GRM7: variants seen among roughly 807,000 people sequenced by gnomAD.
GRM7 encodes the protein glutamate metabotropic receptor 7, also known as metabotropic glutamate receptor 7.
In GRM7, 35 loss-of-function variants were observed where a neutral mutation model predicts 84.5. The observed-to-expected ratio is 0.41, with a 90% CI of 0.32 to 0.55. The LOEUF is 0.55. Ranked by LOEUF, GRM7 falls within the 20% of genes least tolerant of loss-of-function variation. GRM7 has a pLI of 0.19. For missense variants in GRM7, 1,003 were observed against 1,194.6 expected (o/e 0.84, Z 2.36); for synonymous variants, 487 against 455.1 (o/e 1.07, Z -0.89).
chr3:7,566,870 G>A (rs570909839), intron 7 of GRM7, among the ~76,000 whole-genome samples: 49 of 152,250 alleles, frequency 3.2e-4, no homozygotes, highest in Middle Eastern at 3.4e-3. Context: ...GAAAGGTTTC[G>A]CAAAGACAGA....
intron 4 of GRM7, among the ~76,000 whole-genome samples, chr3:7,356,768 G>GC (rs1693423916): frequency 6.6e-6 from 1 of 151,982 alleles, no homozygotes; most frequent in Non-Finnish European, 1.5e-5. Flanking sequence ...CAGGCCTTTG[G>GC]CCTCACACTA....
At chr3:7,506,686 G>A (rs1448131429) in intron 7 of GRM7, among the ~76,000 whole-genome samples, 5 of 152,122 alleles carry the variant, frequency 3.3e-5, no homozygotes, top group African/African-American at 1.2e-4. Flanking sequence ...ACATGTCAGG[G>A]CATAAAGGCT....
At chr3:7,612,274 G>A (rs1332511453) in intron 8 of GRM7, among the ~76,000 whole-genome samples, 2 of 152,136 alleles carry the variant, frequency 1.3e-5, no homozygotes, top group African/African-American at 4.8e-5. Flanking sequence ...CTATAAGATA[G>A]GTGTGGCAAC....
intron 1 of GRM7, among the ~76,000 whole-genome samples, chr3:7,088,493 C>A (rs1382571326): frequency 6.7e-6 from 1 of 149,818 alleles, no homozygotes; most frequent in African/African-American, 2.5e-5. Flanking sequence ...TTTTTTTTTT[C>A]TTTTAAAATG....
intron 1 of GRM7, among the ~76,000 whole-genome samples, chr3:6,937,594 G>A (rs1032494387): frequency 1.3e-5 from 2 of 152,136 alleles, no homozygotes; most frequent in South Asian, 4.1e-4. Flanking sequence ...CTCTCCCACA[G>A]GGAAGGAACC....
At chr3:7,043,539 T>C (rs924230255) in intron 1 of GRM7, among the ~76,000 whole-genome samples, 14 of 152,262 alleles carry the variant, frequency 9.2e-5, no homozygotes, top group African/African-American at 3.4e-4. Flanking sequence ...CGGATATTTT[T>C]CCAGCTTTTA....
At chr3:6,933,215 C>T (rs922752860) in intron 1 of GRM7, among the ~76,000 whole-genome samples, 5 of 152,160 alleles carry the variant, frequency 3.3e-5, no homozygotes, top group African/African-American at 1.2e-4. Flanking sequence ...AAAGCTTTTA[C>T]AATTATATTA....
At chr3:7,358,307 A>G (rs1350225511) in intron 4 of GRM7, among the ~76,000 whole-genome samples, 1 of 152,154 alleles carries the variant, frequency 6.6e-6, no homozygotes, top group African/African-American at 2.4e-5. Context: ...TAAATTACAA[A>G]AATCCAGTTA....
chr3:7,235,305 G>A (rs1697315258), intron 2 of GRM7, among the ~76,000 whole-genome samples: 1 of 152,040 alleles, frequency 6.6e-6, no homozygotes, highest in South Asian at 2.1e-4. Flanking sequence ...TTCAGCTCTT[G>A]GTATGTATGC....
At chr3:7,081,964 T>G (rs1484250701) in intron 1 of GRM7, among the ~76,000 whole-genome samples, 2 of 151,998 alleles carry the variant, frequency 1.3e-5, no homozygotes, top group African/African-American at 4.8e-5. Flanking sequence ...GTTCCTAAAG[T>G]TTAAGAAAAA....
intron 3 of GRM7, 87 bp downstream of exon 3, chr3:7,298,912 A>G: frequency 3.4e-6 from 4 of 1,180,204 alleles, no homozygotes; most frequent in Admixed American, 1.8e-5. Context: ...ACAGGAAAAG[A>G]TAGCATAAGA....
At chr3:6,962,173 C>A (rs1693328090) in intron 1 of GRM7, among the ~76,000 whole-genome samples, 1 of 152,132 alleles carries the variant, frequency 6.6e-6, no homozygotes, top group South Asian at 2.1e-4. Context: ...CTGTATTGTA[C>A]TTGTTTGTCT....
At chr3:6,936,997 A>G (rs1262148088) in intron 1 of GRM7, among the ~76,000 whole-genome samples, 1 of 152,180 alleles carries the variant, frequency 6.6e-6, no homozygotes, top group East Asian at 1.9e-4. Flanking sequence ...CACTTTGTAA[A>G]GTGCTTTATG....
chr3:7,271,643 C>T (rs191945284), intron 2 of GRM7, among the ~76,000 whole-genome samples: 1 of 148,788 alleles, frequency 6.7e-6, no homozygotes, highest in Admixed American at 6.7e-5. Context: ...TGGATTTTAA[C>T]AAGGTCCCTA....
At chr3:7,114,192 A>T (rs1002275535) in intron 1 of GRM7, among the ~76,000 whole-genome samples, 5 of 152,186 alleles carry the variant, frequency 3.3e-5, no homozygotes, top group African/African-American at 4.8e-5. Context: ...TCTAGTGCAG[A>T]TATGAACAAT....
rs138802689 is a variant in GRM7, at chr3:7,054,443, G to A, written c.520-92009G>A. ...CTATATATGTATCTTTAATTTTTTT[G>A]TGTGTGTTCTTGTCTGAGTGCACTG... On this transcript the variant is annotated intron_variant, in intron 1 of 9. Transcript: ENST00000357716. Among the ~76,000 whole-genome samples the A allele has an allele frequency of 8.6e-5, 13 of 150,590 alleles. No homozygotes were observed. The East Asian group carries it at 2.4e-3, about 28-fold the overall frequency.
chr3:7,433,706 T>C (rs1696925830), intron 5 of GRM7, among the ~76,000 whole-genome samples: 1 of 152,228 alleles, frequency 6.6e-6, no homozygotes. Context: ...TGATAAAAGA[T>C]ATCCATGCCA....
chr3:7,139,867 A>G (rs1224626269), intron 1 of GRM7, among the ~76,000 whole-genome samples: 2 of 152,058 alleles, frequency 1.3e-5, no homozygotes, highest in East Asian at 1.9e-4. Context: ...AAAACAATCA[A>G]TGATGTAAAG....
chr3:7,681,978 A>G (rs568881218), intron 9 of GRM7: 1 of 152,358 alleles, frequency 6.6e-6, no homozygotes, highest in East Asian at 1.9e-4. Context: ...AAGATATAGT[A>G]GCTAAAAAGA....
Sources: gnomAD v4.1 joint callset for allele counts (sites outside exome capture counted in the v4.1 genomes callset) on GRCh38, gnomAD v4.1.1 for gene constraint, MANE v1.5 for transcripts, NCBI Gene and HGNC (gene_info 2026-07-23, HGNC 2026-07-21) for gene names.